The following VAPA variants were observed in gnomAD, a reference collection of about 807,000 sequenced individuals.
VAPA encodes the protein VAMP associated protein A, also known as vesicle-associated membrane protein-associated protein A.
A neutral mutation model predicts 25.6 loss-of-function variants in VAPA; 6 were observed. The ratio of observed to expected loss-of-function variants is 0.23; its 90% CI spans 0.13 to 0.46. The LOEUF is 0.46. Among genes scored for constraint, VAPA ranks in the 20% least tolerant of loss-of-function variants. The probability of loss-of-function intolerance (pLI) is 0.99; values close to 1 mark genes in which losing one functional copy is unlikely to be tolerated. For synonymous variants in VAPA, 112 were observed against 106.2 expected (o/e 1.05, Z -0.34); for missense variants, 244 against 302.1 (o/e 0.81, Z 1.43).
rs936513261 is a variant in VAPA at position 9,914,078 on chromosome 18, G to C, written c.-179G>C. The C allele has an allele frequency of 3.7e-6, 2 of 534,240 alleles. No individual in the cohort carries two copies. The highest frequency in any genetic ancestry group is 6.5e-6 in the Non-Finnish European group (2 of 306,418). The allele number at this position is 534,240 out of a possible 1,614,324, so 33.1% of individuals were successfully genotyped here. A position where few individuals can be genotyped will look rare whatever the true frequency, so the allele number is the denominator to read the frequency against. Reference sequence around the variant, plus strand: ...GGGGTTGAGTCAGTTGTGGGACCCGGAGCTGCTGACCCAGCGGGTGGCCCA... The same window carrying C: ...GGGGTTGAGTCAGTTGTGGGACCCGCAGCTGCTGACCCAGCGGGTGGCCCA... On this transcript the variant is annotated 5_prime_UTR_variant, in exon 1 of 6. Transcript: ENST00000400000.
intron 1 of VAPA, among the ~76,000 whole-genome samples, chr18:9,927,758 C>T (rs913455665): frequency 6.6e-6 from 1 of 151,946 alleles, no homozygotes; most frequent in African/African-American, 2.4e-5. Flanking sequence ...TATGTTCAGA[C>T]TTTTTTACTC....
At chr18:9,941,265 T>C (rs1393660442) in intron 4 of VAPA, among the ~76,000 whole-genome samples, 1 of 152,202 alleles carries the variant, frequency 6.6e-6, no homozygotes, top group Non-Finnish European at 1.5e-5. Flanking sequence ...TGTTACTTAC[T>C]GAGAAATGTG....
chr18:9,916,221 C>T (rs922579326), intron 1 of VAPA, among the ~76,000 whole-genome samples: 2 of 152,202 alleles, frequency 1.3e-5, no homozygotes, highest in Non-Finnish European at 2.9e-5. Flanking sequence ...AAAAGCCCTA[C>T]ACAGTGACTT....
intron 3 of VAPA, 50 bp downstream of exon 3, chr18:9,936,263 G>T: frequency 1.6e-6 from 2 of 1,250,832 alleles, no homozygotes; most frequent in Non-Finnish European, 2.2e-6. Flanking sequence ...TAAACTGTGG[G>T]TGTTGTTTAG....
At chr18:9,938,267 T>A (rs1412484773) in intron 4 of VAPA, among the ~76,000 whole-genome samples, 1 of 152,250 alleles carries the variant, frequency 6.6e-6, no homozygotes, top group African/African-American at 2.4e-5. Context: ...AGCGTAAATC[T>A]ATCTTCTATC....
chr18:9,937,859 T>C (rs1043200292), intron 4 of VAPA, among the ~76,000 whole-genome samples: 2 of 152,336 alleles, frequency 1.3e-5, no homozygotes. Context: ...TTTGCTCTAT[T>C]GAAAAGTAAA....
intron 1 of VAPA, among the ~76,000 whole-genome samples, chr18:9,916,933 C>T (rs917734791): frequency 2.0e-5 from 3 of 152,202 alleles, no homozygotes; most frequent in African/African-American, 7.2e-5. Flanking sequence ...ATACACCTAA[C>T]AAGCATCTTG....
In VAPA at chr18:9,957,052, GAC is replaced by G. The variant is rs1424208822; in HGVS notation, c.*2843_*2844del. The G allele has an allele frequency of 1.9e-4, 28 of 150,274 alleles. No individual in the cohort carries two copies. The highest frequency in any genetic ancestry group is 1.8e-3 in the Admixed American group (28 of 15,142). The allele number at this position is 150,274 out of a possible 1,614,324, so 9.3% of individuals were successfully genotyped here. On this transcript the variant is annotated 3_prime_UTR_variant, in exon 6 of 6. Transcript: ENST00000400000. ...AGTAATTCTTTCTTTTTTTTTTTGA[GAC>G]AGAGTCTTGCTTTGTTGCCCAGGCT...
chr18:9,952,843 G>C (rs184140245), intron 5 of VAPA, among the ~76,000 whole-genome samples: 1 of 152,230 alleles, frequency 6.6e-6, no homozygotes, highest in African/African-American at 2.4e-5. Flanking sequence ...ATGTGTAGCT[G>C]AAACTGAGAA....
At chr18:9,939,732 A>G (rs1236051617) in intron 4 of VAPA, among the ~76,000 whole-genome samples, 1 of 152,062 alleles carries the variant, frequency 6.6e-6, no homozygotes, top group African/African-American at 2.4e-5. Context: ...CGTGCTTGGA[A>G]ACATTTTTGG....
In VAPA at chr18:9,956,237, C is replaced by CT; in HGVS notation, c.*2027dup. The CT allele has an allele frequency of 6.6e-6, 1 of 152,270 alleles. No homozygotes were observed. The highest frequency in any genetic ancestry group is 2.1e-4 in the South Asian group (1 of 4,830). 9.4% of individuals were successfully genotyped at this position (152,270 alleles called of 1,614,324 possible). ...GCAGAGCTGGAACTAGATATCTGGTCTGTTGACTCTAGCTCAGTGTCTTCT... is the reference window on the plus strand; with the variant it reads ...GCAGAGCTGGAACTAGATATCTGGTCTTGTTGACTCTAGCTCAGTGTCTTCT... On this transcript the variant is annotated 3_prime_UTR_variant, in exon 6 of 6. Transcript: ENST00000400000.
intron 4 of VAPA, chr18:9,944,972 A>G (rs2069406425): frequency 6.2e-7 from 1 of 1,614,096 alleles, no homozygotes; most frequent in Non-Finnish European, 8.5e-7. Context: ...AATGAGCAGC[A>G]TCAACAACAC....
At position 9,959,398 on chromosome 18, in the gene VAPA, C is replaced by G. The variant is rs1213297418; in HGVS notation, c.*5187C>G. Reference sequence around the variant, plus strand: ...GTAAACTCCTGCCCACTAACAATCTCAGTCCGTGAACAAAACCAACATGAA... The same window carrying G: ...GTAAACTCCTGCCCACTAACAATCTGAGTCCGTGAACAAAACCAACATGAA... On this transcript the variant is annotated 3_prime_UTR_variant, in exon 6 of 6. Coordinates refer to ENST00000400000, the MANE Select transcript of VAPA (RefSeq NM_194434.3). 1 of 152,160 alleles carries G rather than the reference C, an allele frequency of 6.6e-6. No homozygotes were observed. The highest frequency in any genetic ancestry group is 1.5e-5 in the Non-Finnish European group (1 of 68,020). 9.4% of individuals were successfully genotyped at this position (152,160 alleles called of 1,614,324 possible).
intron 4 of VAPA, among the ~76,000 whole-genome samples, chr18:9,943,025 A>G (rs1341185740): frequency 1.3e-5 from 2 of 152,212 alleles, no homozygotes; most frequent in Non-Finnish European, 2.9e-5. Flanking sequence ...CATGTTTGGA[A>G]CACATGAAAA....
In VAPA at chr18:9,954,055, T is replaced by A. The variant is rs749221936; in HGVS notation, c.594T>A (p.Asp198Glu). ...TTGTGTGTGTGTTTTTTTTCTAGGA[T>A]GAAGGTTTAAGGCTCAGAAAGGTAG... ...KLSEENRHLRDEGLRLRKVAH... is the reference protein window; with the variant it reads ...KLSEENRHLREEGLRLRKVAH... Residue 198 changes from aspartate to glutamate, a missense_variant and splice_region_variant, in exon 6 of 6, where the codon GAT (aspartate) becomes GAA (glutamate). Coordinates refer to ENST00000400000, the MANE Select transcript of VAPA (RefSeq NM_194434.3). 4 of 1,613,382 alleles carry A rather than the reference T, an allele frequency of 2.5e-6. No homozygotes were observed. In the South Asian group the frequency reaches 4.4e-5, roughly 18 times the overall value.
chr18:9,933,433 G>A (rs932887653), intron 2 of VAPA, among the ~76,000 whole-genome samples: 3 of 152,216 alleles, frequency 2.0e-5, no homozygotes, highest in African/African-American at 7.2e-5. Context: ...TAATTCATCA[G>A]TTCCTGGGAA....
rs767923081 is a variant in VAPA at position 9,950,519 on chromosome 18, G to A, written c.542G>A (p.Arg181Lys). ...AGGAAACTAATGGAAGAGTGTAAAAGACTTCAGGGAGAAATGATGAAGCTA... is the reference window on the plus strand; with the variant it reads ...AGGAAACTAATGGAAGAGTGTAAAAAACTTCAGGGAGAAATGATGAAGCTA... ...ETRKLMEECK[R>K]LQGEMMKLSE... Residue 181 changes from arginine to lysine, a missense_variant, in exon 5 of 6, where the codon AGA (arginine) becomes AAA (lysine). This residue lies in a region of VAPA where 145 missense variants were observed against 140.6 expected (regional missense o/e 1.03). Coordinates refer to ENST00000400000, the MANE Select transcript of VAPA (RefSeq NM_194434.3). 6.2e-7 allele frequency: 1 copy of A among 1,613,436 alleles called. No individual in the cohort carries two copies. Among genetic ancestry groups the A allele is most frequent in the Admixed American group, 1.7e-5 (1 of 59,864 alleles).
chr18:9,934,537 G>T (rs1259507628), intron 2 of VAPA, among the ~76,000 whole-genome samples: 1 of 152,168 alleles, frequency 6.6e-6, no homozygotes, highest in Non-Finnish European at 1.5e-5. Context: ...CTTGATAGCA[G>T]TTAATGGACT....
intron 2 of VAPA, among the ~76,000 whole-genome samples, chr18:9,934,966 G>C (rs569777867): frequency 6.6e-6 from 1 of 152,030 alleles, no homozygotes; most frequent in East Asian, 1.9e-4. Context: ...ATGGTGGCAG[G>C]CGCCTGTAGT....
Sources: gnomAD v4.1 joint callset for allele counts (sites outside exome capture counted in the v4.1 genomes callset) on GRCh38, gnomAD v4.1.1 for gene constraint, gnomAD v4.1.1 regional missense constraint, MANE v1.5 for transcripts, NCBI Gene and HGNC (gene_info 2026-07-23, HGNC 2026-07-21) for gene names.